NIN: variants seen among roughly 807,000 people sequenced by gnomAD.
The protein encoded by NIN is glycogen synthase kinase 3 beta-interacting protein.
In NIN, 137 loss-of-function variants were observed where a neutral mutation model predicts 257.6. The ratio of observed to expected loss-of-function variants is 0.53; its 90% CI spans 0.46 to 0.61. NIN has a LOEUF of 0.61. NIN is among the 20% of genes least tolerant of loss of function. The pLI is 0.00. For synonymous variants in NIN, 918 were observed against 919.8 expected (o/e 1.00, Z 0.04); for missense variants, 2,439 against 2,501.2 (o/e 0.98, Z 0.53).
chr14:50,758,732 T>A, intron 17 of NIN, 102 bp from the exon 18 acceptor site: 1 of 1,043,546 alleles, frequency 9.6e-7, no homozygotes, highest in Non-Finnish European at 1.4e-6. Flanking sequence ...AGCAAACAAC[T>A]GAAATACTCC....
At chr14:50,748,482 CAGG>C (rs937929477) in intron 21 of NIN, among the ~76,000 whole-genome samples, 1 of 152,076 alleles carries the variant, frequency 6.6e-6, no homozygotes, top group African/African-American at 2.4e-5. Context: ...GGCAGTCAGG[CAGG>C]AGAAGGAAAT....
At chr14:50,742,182 G>C (rs373593001) in intron 24 of NIN, 57 of 153,476 alleles carry the variant, frequency 3.7e-4, no homozygotes, top group Admixed American at 7.8e-4. Flanking sequence ...AGGAAGCCAA[G>C]GCAGGAGGAT....
chr14:50,786,103 A>G (rs2043338551), intron 5 of NIN, among the ~76,000 whole-genome samples: 1 of 152,158 alleles, frequency 6.6e-6, no homozygotes, highest in Non-Finnish European at 1.5e-5. Context: ...TGCTGGTCCA[A>G]GGAAATGCTG....
At chr14:50,740,752 G>A (rs924904187) in intron 25 of NIN, among the ~76,000 whole-genome samples, 3 of 152,198 alleles carry the variant, frequency 2.0e-5, no homozygotes, top group Non-Finnish European at 4.4e-5. Context: ...AAAGCGCTGG[G>A]ATTACAGGCA....
At chr14:50,803,301 T>C (rs919235051) in intron 4 of NIN, among the ~76,000 whole-genome samples, 2 of 152,092 alleles carry the variant, frequency 1.3e-5, no homozygotes, top group African/African-American at 4.8e-5. Context: ...TGCAGTGAAC[T>C]GAGATTGTGC....
At chr14:50,827,618 G>A (rs1323208036) in intron 2 of NIN, among the ~76,000 whole-genome samples, 2 of 151,198 alleles carry the variant, frequency 1.3e-5, no homozygotes, top group African/African-American at 4.9e-5. Flanking sequence ...ATAGCTAGGT[G>A]TGGTGGCGCA....
intron 3 of NIN, among the ~76,000 whole-genome samples, chr14:50,815,250 T>G (rs1393761711): frequency 6.6e-6 from 1 of 152,130 alleles, no homozygotes; most frequent in East Asian, 1.9e-4. Flanking sequence ...CAGGCACTTC[T>G]CAAAAGTAGA....
chr14:50,820,393 C>T (rs1452272109), intron 3 of NIN, among the ~76,000 whole-genome samples: 2 of 152,178 alleles, frequency 1.3e-5, no homozygotes, highest in Admixed American at 6.5e-5. Flanking sequence ...TCCATATTTA[C>T]GCAGACTCTA....
chr14:50,830,084 C>T (rs2045632387), intron 2 of NIN, among the ~76,000 whole-genome samples: 1 of 152,240 alleles, frequency 6.6e-6, no homozygotes, highest in African/African-American at 2.4e-5. Flanking sequence ...CTCAGACAGC[C>T]CAGGCTAACA....
intron 27 of NIN, among the ~76,000 whole-genome samples, chr14:50,737,424 C>CCCAGCTAA (rs1468979692): frequency 6.7e-6 from 1 of 149,390 alleles, no homozygotes; most frequent in Non-Finnish European, 1.5e-5. Context: ...AGTTGGACCA[C>CCCAGCTAA]CCAGCTAAGC....
At chr14:50,723,898 G>A in intron 30 of NIN, 1 of 513,456 alleles carries the variant, frequency 1.9e-6, no homozygotes, top group Non-Finnish European at 3.5e-6. Context: ...GTTTATGTCA[G>A]TTACTAATAG....
intron 2 of NIN, chr14:50,823,519 C>T: frequency 4.0e-6 from 1 of 248,644 alleles, no homozygotes; most frequent in Non-Finnish European, 8.2e-6. Context: ...ATCAATGTTG[C>T]TCTAGGTTGT....
chr14:50,769,898 G>GCC lies in NIN; in HGVS notation c.1434+489_1434+490insGG, dbSNP rs201813796. Among the ~76,000 whole-genome samples, 794 of 150,906 alleles carry GCC rather than the reference G, an allele frequency of 5.3e-3. 5 individuals carry two copies. The highest frequency in any genetic ancestry group is 0.018 in the African/African-American group (747 of 41,038). On this transcript the variant is annotated intron_variant, in intron 12 of 30. Transcript: ENST00000530997. ...TTTGAGGCTGTGGTAAGTTATAACT[G>GCC]CACCGCTGCGCTCCAGTCTGGGTGA...
intron 21 of NIN, among the ~76,000 whole-genome samples, chr14:50,750,827 G>A (rs947245320): frequency 1.3e-5 from 2 of 152,112 alleles, no homozygotes; most frequent in African/African-American, 2.4e-5. Flanking sequence ...AGAGCTATAC[G>A]AAAAGATAAA....
chr14:50,727,456 A>ATT, intron 29 of NIN: 1 of 1,174,742 alleles, frequency 8.5e-7, no homozygotes, highest in Non-Finnish European at 1.1e-6. Flanking sequence ...AAATAAAATG[A>ATT]TTTGTAACAA....
chr14:50,726,253 C>A (rs1265434506), intron 29 of NIN, 187 bp from the exon 30 acceptor site: 1 of 532,896 alleles, frequency 1.9e-6, no homozygotes, highest in Non-Finnish European at 3.3e-6. Flanking sequence ...GTAACCCTAT[C>A]AGATAAAGGA....
intron 11 of NIN, 104 bp from the exon 12 acceptor site, chr14:50,770,666 G>C: frequency 7.1e-7 from 1 of 1,411,722 alleles, no homozygotes; most frequent in Non-Finnish European, 9.7e-7. Context: ...AAAAGCACCT[G>C]GATAAAATAT....
rs1263366646 is a variant in NIN, at chr14:50,721,338, A to G, written c.*2125T>C. On this transcript the variant is annotated 3_prime_UTR_variant, in exon 31 of 31. Transcript: ENST00000530997. ...TTTATATACACATAAATACAAATTTATAGGAAATAAACAAATTAACCTACA... is the reference window on the plus strand; with the variant it reads ...TTTATATACACATAAATACAAATTTGTAGGAAATAAACAAATTAACCTACA... 2 of 207,720 alleles carry G rather than the reference A, an allele frequency of 9.6e-6. No individual in the cohort carries two copies. Among genetic ancestry groups the G allele is most frequent in the Non-Finnish European group, 2.0e-5 (2 of 102,018 alleles). 12.9% of individuals were successfully genotyped at this position (207,720 alleles called of 1,614,324 possible). A position where few individuals can be genotyped will look rare whatever the true frequency, so the allele number is the denominator to read the frequency against.
intron 29 of NIN, among the ~76,000 whole-genome samples, chr14:50,727,930 G>A (rs770525290): frequency 2.6e-5 from 4 of 152,148 alleles, no homozygotes; most frequent in Non-Finnish European, 4.4e-5. Flanking sequence ...ACACAGAAAC[G>A]TGCAGATTTA....
Sources: allele counts gnomAD v4.1 joint callset (sites outside exome capture counted in the v4.1 genomes callset), GRCh38; gene constraint gnomAD v4.1.1; transcripts MANE v1.5; gene names NCBI Gene and HGNC (gene_info 2026-07-23, HGNC 2026-07-21).